XKR9: variants seen among roughly 807,000 people sequenced by gnomAD.
The protein encoded by XKR9 is XK-related protein 9.
In XKR9, 32 loss-of-function variants were observed where a neutral mutation model predicts 32.0. That is an observed-to-expected ratio of 1.00 (90% CI 0.76 to 1.34). The LOEUF (loss-of-function observed/expected upper bound fraction) is 1.34. XKR9 is among the 40% of genes most tolerant of loss of function. The pLI is 0.00. For missense variants in XKR9, 546 were observed against 429.7 expected (o/e 1.27, Z -2.39); for synonymous variants, 168 against 143.4 (o/e 1.17, Z -1.22).
the XKR9 span, among the ~76,000 whole-genome samples, chr8:70,826,900 T>A: frequency 1.3e-5 from 2 of 152,116 alleles, no homozygotes; most frequent in African/African-American, 2.4e-5. Context: ...CTCCTTGAGG[T>A]TATGTTTGAA....
At chr8:70,776,947 CTATA>C (rs1554556847) in intron 2 of XKR9, among the ~76,000 whole-genome samples, 6 of 54,204 alleles carry the variant, frequency 1.1e-4, no homozygotes, top group Admixed American at 2.5e-4. Context: ...CTCTCTCTCT[CTATA>C]TATATATATA....
the XKR9 span, among the ~76,000 whole-genome samples, chr8:70,888,050 G>C: frequency 1.3e-5 from 2 of 151,890 alleles, no homozygotes; most frequent in African/African-American, 2.4e-5. Context: ...GTATGATATT[G>C]GCCTCTTTGT....
chr8:70,846,548 T>C, the XKR9 span, among the ~76,000 whole-genome samples: 1 of 152,026 alleles, frequency 6.6e-6, no homozygotes, highest in Non-Finnish European at 1.5e-5. Context: ...ACCTTGAATG[T>C]AAATAAATTT....
At chr8:70,765,181 A>G (rs1807358357) in intron 2 of XKR9, among the ~76,000 whole-genome samples, 1 of 152,178 alleles carries the variant, frequency 6.6e-6, no homozygotes, top group African/African-American at 2.4e-5. Context: ...GTCTTCCACA[A>G]TGGTTGAACT....
chr8:70,900,480 T>A, the XKR9 span, among the ~76,000 whole-genome samples: 6 of 151,764 alleles, frequency 4.0e-5, no homozygotes, highest in Non-Finnish European at 8.8e-5. Context: ...TCCCAGCCAC[T>A]CGGGAGTCTG....
chr8:70,852,358 T>C, the XKR9 span, among the ~76,000 whole-genome samples: 1 of 152,240 alleles, frequency 6.6e-6, no homozygotes, highest in Admixed American at 6.5e-5. Context: ...TCAATCCTTT[T>C]GGAGGACAGT....
chr8:70,957,081 A>G, the XKR9 span, among the ~76,000 whole-genome samples: 18 of 152,246 alleles, frequency 1.2e-4, no homozygotes, highest in African/African-American at 4.3e-4. Flanking sequence ...CCACCATCAC[A>G]TGGAAAGACA....
At chr8:70,810,247 T>C in the XKR9 span, among the ~76,000 whole-genome samples, 2 of 151,672 alleles carry the variant, frequency 1.3e-5, no homozygotes, top group African/African-American at 2.4e-5. Context: ...TGCTGAGAGA[T>C]TTTGTCACCA....
chr8:70,855,757 C>A, the XKR9 span, among the ~76,000 whole-genome samples: 4 of 152,332 alleles, frequency 2.6e-5, no homozygotes, highest in African/African-American at 4.8e-5. Context: ...AAGGGAAGCC[C>A]ATCAGACTAA....
chr8:70,878,072 T>C, the XKR9 span, among the ~76,000 whole-genome samples: 1 of 152,072 alleles, frequency 6.6e-6, no homozygotes, highest in African/African-American at 2.4e-5. Flanking sequence ...GCTTCATAAG[T>C]GCAGGAGAAA....
chr8:70,739,154 G>T (rs961768465), downstream of XKR9, among the ~76,000 whole-genome samples: 1 of 152,040 alleles, frequency 6.6e-6, no homozygotes, highest in African/African-American at 2.4e-5. Flanking sequence ...GGGTGCTCCT[G>T]TATTGGGTGT....
the XKR9 span, among the ~76,000 whole-genome samples, chr8:71,052,290 GTTAGAGAGGCTGTC>G: frequency 6.6e-6 from 1 of 152,276 alleles, no homozygotes; most frequent in East Asian, 1.9e-4. Flanking sequence ...GACATGTATA[GTTAGAGAGGCTGTC>G]TTAGTTGCAC....
chr8:70,787,786 A>T (rs1279187834), intron 2 of XKR9, among the ~76,000 whole-genome samples: 1 of 152,092 alleles, frequency 6.6e-6, no homozygotes, highest in Non-Finnish European at 1.5e-5. Flanking sequence ...ATACATTTTG[A>T]CTAGCATTAT....
chr8:70,931,364 G>A, the XKR9 span, among the ~76,000 whole-genome samples: 47,352 of 151,960 alleles, frequency 0.31, 8,846 homozygotes, highest in Non-Finnish European at 0.43. Flanking sequence ...CTTTTGTTCA[G>A]GTCTGTATGA....
At chr8:70,742,669 A>G (rs540051486) in intron 2 of XKR9, among the ~76,000 whole-genome samples, 16 of 152,110 alleles carry the variant, frequency 1.1e-4, no homozygotes, top group Non-Finnish European at 1.9e-4. Flanking sequence ...TGTTGGATAT[A>G]GAGTTCTGAG....
chr8:70,857,497 C>G, the XKR9 span, among the ~76,000 whole-genome samples: 1 of 152,116 alleles, frequency 6.6e-6, no homozygotes, highest in Non-Finnish European at 1.5e-5. Context: ...AAAAAAAGTC[C>G]AAGACCTGAT....
the XKR9 span, among the ~76,000 whole-genome samples, chr8:71,022,108 T>G: frequency 6.6e-6 from 1 of 152,214 alleles, no homozygotes; most frequent in Non-Finnish European, 1.5e-5. Context: ...CCACAGTGCT[T>G]GTTTTTGTCA....
the XKR9 span, among the ~76,000 whole-genome samples, chr8:70,889,304 T>C: frequency 1.3e-5 from 2 of 151,974 alleles, no homozygotes; most frequent in Non-Finnish European, 2.9e-5. Context: ...GGTGATTTAG[T>C]GCCCTACAAA....
chr8:70,990,029 T>A, the XKR9 span, among the ~76,000 whole-genome samples: 4 of 152,132 alleles, frequency 2.6e-5, no homozygotes, highest in Non-Finnish European at 2.9e-5. Flanking sequence ...TGGAATTAGG[T>A]CTTCTTGATG....
Sources: gnomAD v4.1 joint callset for allele counts (sites outside exome capture counted in the v4.1 genomes callset) on GRCh38, gnomAD v4.1.1 for gene constraint, MANE v1.5 for transcripts, NCBI Gene and HGNC (gene_info 2026-07-23, HGNC 2026-07-21) for gene names.